The following HYCC2 variants were observed in gnomAD, a reference collection of about 807,000 sequenced individuals.
HYCC2 encodes the protein hyccin 2.
chr2:201,061,522 T>C, the HYCC2 span: 1 of 152,070 alleles, frequency 6.6e-6, no homozygotes, highest in South Asian at 2.1e-4. Context: ...TCATAATCAA[T>C]TAAGGCTGAT....
At chr2:201,063,516 G>A in the HYCC2 span, 4 of 1,592,024 alleles carry the variant, frequency 2.5e-6, no homozygotes, top group Admixed American at 3.3e-5. Flanking sequence ...CGAGGCAGTG[G>A]GAAGAAAAGG....
chr2:201,040,782 G>T, the HYCC2 span, among the ~76,000 whole-genome samples: 1 of 152,160 alleles, frequency 6.6e-6, no homozygotes, highest in Non-Finnish European at 1.5e-5. Context: ...ACTGTGCCCA[G>T]CCTCATAATT....
the HYCC2 span, among the ~76,000 whole-genome samples, chr2:201,066,137 A>C: frequency 6.6e-6 from 1 of 151,614 alleles, no homozygotes; most frequent in South Asian, 2.1e-4. Context: ...GAGTGCACAC[A>C]ATCTTGGCTC....
At chr2:201,045,672 G>T in the HYCC2 span, 1 of 393,798 alleles carries the variant, frequency 2.5e-6, no homozygotes. Context: ...GTTTTGATAG[G>T]CATTTACAAT....
chr2:201,035,501 A>G, the HYCC2 span, among the ~76,000 whole-genome samples: 3 of 152,010 alleles, frequency 2.0e-5, no homozygotes, highest in African/African-American at 7.2e-5. Flanking sequence ...TTAGCCATTC[A>G]TCTAATCTTT....
chr2:201,037,983 A>C, the HYCC2 span, among the ~76,000 whole-genome samples: 2 of 152,218 alleles, frequency 1.3e-5, no homozygotes, highest in Non-Finnish European at 2.9e-5. Context: ...AAATTTTTGC[A>C]ATCTTCCCAT....
chr2:200,980,622 T>C, the HYCC2 span: 1 of 153,094 alleles, frequency 6.5e-6, no homozygotes, highest in Non-Finnish European at 1.5e-5. Context: ...TGGTCACAAC[T>C]TGATTTAAAT....
chr2:200,987,308 C>A, the HYCC2 span: 2 of 1,255,474 alleles, frequency 1.6e-6, no homozygotes, highest in African/African-American at 1.5e-5. Context: ...GATAGAGAGC[C>A]AGGATCCTTC....
chr2:201,011,514 A>T, the HYCC2 span: 4 of 1,094,652 alleles, frequency 3.7e-6, no homozygotes, highest in Non-Finnish European at 5.2e-6. Flanking sequence ...ATAATCACAG[A>T]TCTACACGAA....
the HYCC2 span, among the ~76,000 whole-genome samples, chr2:201,020,631 G>C: frequency 3.3e-5 from 5 of 152,288 alleles, no homozygotes; most frequent in South Asian, 1.0e-3. Context: ...AAGGTAGCTA[G>C]AGAAGACAGA....
chr2:201,024,989 T>G, the HYCC2 span, among the ~76,000 whole-genome samples: 1 of 151,678 alleles, frequency 6.6e-6, no homozygotes, highest in African/African-American at 2.4e-5. Flanking sequence ...GGTGTGCACC[T>G]GTAATCTCAG....
the HYCC2 span, chr2:201,063,583 G>A: frequency 6.3e-7 from 1 of 1,583,926 alleles, no homozygotes; most frequent in South Asian, 1.1e-5. Flanking sequence ...TTGTCATTCA[G>A]AAATACCACA....
At chr2:201,044,213 C>T in the HYCC2 span, among the ~76,000 whole-genome samples, 1 of 152,178 alleles carries the variant, frequency 6.6e-6, no homozygotes, top group East Asian at 1.9e-4. Flanking sequence ...AAATGACTAT[C>T]TTTATGATAA....
the HYCC2 span, chr2:201,011,347 A>G: frequency 8.1e-5 from 90 of 1,109,524 alleles, no homozygotes; most frequent in Non-Finnish European, 1.1e-4. Flanking sequence ...TTGATTTGTT[A>G]CTCAATATAA....
the HYCC2 span, among the ~76,000 whole-genome samples, chr2:200,985,548 C>T: frequency 6.6e-6 from 1 of 152,106 alleles, no homozygotes; most frequent in Non-Finnish European, 1.5e-5. Flanking sequence ...GTAGTCCTAG[C>T]TATTCCAGAG....
At chr2:201,010,428 A>G in the HYCC2 span, among the ~76,000 whole-genome samples, 1 of 152,258 alleles carries the variant, frequency 6.6e-6, no homozygotes, top group Admixed American at 6.5e-5. Flanking sequence ...TAGTGGCAAC[A>G]AAGGCCACTG....
chr2:201,012,828 C>T, the HYCC2 span, among the ~76,000 whole-genome samples: 1 of 151,908 alleles, frequency 6.6e-6, no homozygotes, highest in South Asian at 2.1e-4. Context: ...GCCTATAATC[C>T]CAGCTACTCA....
At chr2:201,069,173 A>G in the HYCC2 span, among the ~76,000 whole-genome samples, 1 of 152,360 alleles carries the variant, frequency 6.6e-6, no homozygotes, top group African/African-American at 2.4e-5. Flanking sequence ...CTACTACAAG[A>G]TGCCAAAACT....
At chr2:200,974,675 C>T in the HYCC2 span, 2 of 151,942 alleles carry the variant, frequency 1.3e-5, no homozygotes, top group Non-Finnish European at 2.9e-5. Context: ...TTTTCAACTA[C>T]TCCCTGCTAT....
Sources: gnomAD v4.1 joint callset for allele counts (sites outside exome capture counted in the v4.1 genomes callset) on GRCh38, gnomAD v4.1.1 for gene constraint, MANE v1.5 for transcripts, NCBI Gene and HGNC (gene_info 2026-07-23, HGNC 2026-07-21) for gene names.